Variants in CPXM2 observed in about 807,000 individuals in gnomAD.
The protein encoded by CPXM2 is carboxypeptidase X, M14 family member 2, also known as inactive carboxypeptidase-like protein X2.
A neutral mutation model predicts 86.1 loss-of-function variants in CPXM2; 66 were observed. That is an observed-to-expected ratio of 0.77 (90% CI 0.63 to 0.94). CPXM2 has a LOEUF of 0.94. Among genes scored for constraint, CPXM2 ranks in the 40% least tolerant of loss-of-function variants. The probability of loss-of-function intolerance (pLI) is 0.00; values close to 1 mark genes in which losing one functional copy is unlikely to be tolerated. For missense variants in CPXM2, 948 were observed against 1,026.3 expected, an observed-to-expected ratio of 0.92 and a Z score of 1.04; for synonymous variants, 388 against 400.2, an observed-to-expected ratio of 0.97 and a Z score of 0.36.
intron 3 of CPXM2, among the ~76,000 whole-genome samples, chr10:123,855,476 G>A (rs1299517055): frequency 1.3e-5 from 2 of 152,200 alleles, no homozygotes; most frequent in African/African-American, 4.8e-5. Flanking sequence ...GCACAGGTGA[G>A]ACCTGGGAAA....
At chr10:123,811,268 A>G (rs561667716) in intron 4 of CPXM2, among the ~76,000 whole-genome samples, 36 of 151,908 alleles carry the variant, frequency 2.4e-4, no homozygotes. Context: ...CATTTACATT[A>G]GGTATATCTC....
intron 2 of CPXM2, 66 bp downstream of exon 2, chr10:123,880,145 T>TTGGGCCC: frequency 9.8e-6 from 4 of 407,580 alleles, no homozygotes; most frequent in Non-Finnish European, 1.9e-5. Context: ...CAGGGGCCTG[T>TTGGGCCC]ACCCACCCAC....
Position 123,857,296 on chromosome 10 carries a change from A to G in CPXM2, c.513+5318T>C, listed in dbSNP as rs185080131. Among the ~76,000 whole-genome samples the G allele has an allele frequency of 3.1e-4, 47 of 152,290 alleles. No homozygotes were observed. In the East Asian group the frequency reaches 8.3e-3, roughly 27 times the overall value. ...TGCTTAAAATGATGGAAAAGGAGAC[A>G]GGTATTTCTGTAGTAACACGGCAAA... On this transcript the variant is annotated intron_variant, in intron 3 of 13. Coordinates refer to ENST00000241305, the MANE Select transcript of CPXM2 (RefSeq NM_198148.3).
At chr10:123,857,550 GGCGGC>G (rs879539209) in intron 3 of CPXM2, among the ~76,000 whole-genome samples, 3,189 of 137,786 alleles carry the variant, frequency 0.023, 71 homozygotes, top group South Asian at 0.084. Context: ...AGCGATGGAA[GGCGGC>G]GTGGAGATGG....
chr10:123,907,566 C>T (rs143850489), intron 2 of CPXM2, among the ~76,000 whole-genome samples: 4 of 151,380 alleles, frequency 2.6e-5, no homozygotes, highest in East Asian at 3.9e-4. Context: ...TTAGGTGACA[C>T]GGCACCATCC....
chr10:123,870,082 C>T (rs1445495791), intron 2 of CPXM2, among the ~76,000 whole-genome samples: 1 of 152,120 alleles, frequency 6.6e-6, no homozygotes, highest in Non-Finnish European at 1.5e-5. Context: ...CTACTGCGAG[C>T]CAGACTGGCT....
chr10:123,760,700 T>A (rs1379330623), intron 11 of CPXM2, among the ~76,000 whole-genome samples: 1 of 152,184 alleles, frequency 6.6e-6, no homozygotes, highest in African/African-American at 2.4e-5. Context: ...CACGACTGTT[T>A]CTGTGAGCCA....
intron 4 of CPXM2, among the ~76,000 whole-genome samples, chr10:123,812,683 TGGCATTAG>T (rs1464524262): frequency 6.6e-6 from 1 of 152,208 alleles, no homozygotes. Context: ...AGATCAGCGG[TGGCATTAG>T]GGCATTAGAT....
intron 4 of CPXM2, among the ~76,000 whole-genome samples, chr10:123,822,665 A>C (rs140815178): frequency 6.6e-6 from 1 of 152,094 alleles, no homozygotes; most frequent in Non-Finnish European, 1.5e-5. Flanking sequence ...AAAAAAATTT[A>C]TACAAGAGAA....
chr10:123,871,371 C>T (rs1192406167), intron 2 of CPXM2, among the ~76,000 whole-genome samples: 3 of 152,192 alleles, frequency 2.0e-5, no homozygotes, highest in African/African-American at 2.4e-5. Flanking sequence ...TCCAGTATAA[C>T]TGATAATCTC....
intron 3 of CPXM2, among the ~76,000 whole-genome samples, chr10:123,847,853 T>C (rs1300527251): frequency 1.3e-5 from 2 of 152,156 alleles, no homozygotes; most frequent in African/African-American, 4.8e-5. Flanking sequence ...ACAGTGAATA[T>C]CAAAATCATT....
chr10:123,795,731 G>A (rs1364488668), intron 6 of CPXM2, among the ~76,000 whole-genome samples: 1 of 152,082 alleles, frequency 6.6e-6, no homozygotes, highest in African/African-American at 2.4e-5. Context: ...AATATTTGGG[G>A]GGTGGAAAAT....
At position 123,885,224 on chromosome 10, in the gene CPXM2, G is replaced by A. The variant is rs1012306095; in HGVS notation, c.305-4915C>T. Among the ~76,000 whole-genome samples the A allele has an allele frequency of 6.6e-6, 1 of 151,014 alleles. No individual in the cohort carries two copies. Among genetic ancestry groups the A allele is most frequent in the Non-Finnish European group, 1.5e-5 (1 of 67,770 alleles). ...GGCTGGGGACTCAGGGTGGGGTTGG[G>A]AGGGGAGATGCCTCTGAGCTGCCCC... is the stretch of plus-strand genomic sequence containing the variant. On this transcript the variant is annotated intron_variant, in intron 1 of 13. Coordinates refer to ENST00000241305, the MANE Select transcript of CPXM2 (RefSeq NM_198148.3). This position sits in a 1 kb window ranked among gnomAD's most constrained non-coding sequence, Gnocchi z 4.0.
At chr10:123,840,487 G>A (rs1487945145) in intron 4 of CPXM2, among the ~76,000 whole-genome samples, 1 of 152,166 alleles carries the variant, frequency 6.6e-6, no homozygotes, top group Non-Finnish European at 1.5e-5. Flanking sequence ...CTCACAATAT[G>A]ATATATGATA....
chr10:123,812,781 G>A (rs374700301), intron 4 of CPXM2, among the ~76,000 whole-genome samples: 86 of 152,230 alleles, frequency 5.6e-4, no homozygotes, highest in African/African-American at 1.8e-3. Flanking sequence ...AATCTAATGC[G>A]TGATGATCTG....
chr10:123,942,553 C>T (rs964040710), upstream of CPXM2, among the ~76,000 whole-genome samples: 9 of 152,228 alleles, frequency 5.9e-5, no homozygotes, highest in Admixed American at 3.3e-4. Context: ...TTACAAATGC[C>T]ATTGCCACAT....
In CPXM2 at chr10:123,878,303, T is replaced by C. The variant is rs74513599; in HGVS notation, c.403+1908A>G. Among the ~76,000 whole-genome samples, 399 of 114,562 alleles carry C rather than the reference T, an allele frequency of 3.5e-3. 14 individuals are homozygous for C. Among genetic ancestry groups the C allele is most frequent in the Non-Finnish European group, 4.4e-3 (214 of 48,270 alleles). The allele number at this position is 114,562 out of a possible 152,430, so 75.2% of individuals were successfully genotyped here. A position where few individuals can be genotyped will look rare whatever the true frequency, so the allele number is the denominator to read the frequency against. On this transcript the variant is annotated intron_variant, in intron 2 of 13. Transcript: ENST00000241305. Reference sequence around the variant, plus strand: ...GACCCCCTTTTTTTCTCTCTTTTTTTTTTTTTTTTTTTTTTTTTTTTAGTA... The same window carrying C: ...GACCCCCTTTTTTTCTCTCTTTTTTCTTTTTTTTTTTTTTTTTTTTTAGTA...
intron 4 of CPXM2, among the ~76,000 whole-genome samples, chr10:123,803,225 A>G (rs1443625320): frequency 7.2e-6 from 1 of 138,244 alleles, no homozygotes; most frequent in Non-Finnish European, 1.5e-5. Flanking sequence ...AGAGCCTCCC[A>G]AGTGGCTGGG....
At chr10:123,890,987 G>A (rs1049688587) in intron 1 of CPXM2, among the ~76,000 whole-genome samples, 2 of 152,224 alleles carry the variant, frequency 1.3e-5, no homozygotes, top group African/African-American at 4.8e-5. Flanking sequence ...AAATTCAGCC[G>A]CATTTGAGGA....
Sources: allele counts gnomAD v4.1 joint callset (sites outside exome capture counted in the v4.1 genomes callset), GRCh38; gene constraint gnomAD v4.1.1; non-coding constraint Gnocchi (gnomAD v3.1); transcripts MANE v1.5; gene names NCBI Gene and HGNC (gene_info 2026-07-23, HGNC 2026-07-21).